The following ITPK1 variants were observed in gnomAD, a reference collection of about 807,000 sequenced individuals.
ITPK1 encodes the protein inositol 1,3,4-trisphosphate 5/6-kinase.
In ITPK1, 21 loss-of-function variants were observed where a neutral mutation model predicts 45.3. That is an observed-to-expected ratio of 0.46 (90% CI 0.33 to 0.67). The LOEUF (loss-of-function observed/expected upper bound fraction) is 0.67. Ranked by LOEUF, ITPK1 falls within the 30% of genes least tolerant of loss-of-function variation. ITPK1 has a pLI of 0.02. For missense variants in ITPK1, 474 were observed against 573.5 expected (o/e 0.83, Z 1.77); for synonymous variants, 258 against 253.6 (o/e 1.02, Z -0.16).
At chr14:93,030,851 T>A (rs548368983) in intron 3 of ITPK1, among the ~76,000 whole-genome samples, 4 of 152,334 alleles carry the variant, frequency 2.6e-5, no homozygotes, top group South Asian at 4.1e-4. Flanking sequence ...TAGTCCACGA[T>A]GACTGGTGCT....
At chr14:92,996,447 G>T (rs1470724246) in intron 4 of ITPK1, among the ~76,000 whole-genome samples, 1 of 138,024 alleles carries the variant, frequency 7.2e-6, no homozygotes, top group Non-Finnish European at 1.6e-5. Flanking sequence ...GTGGGGGGAG[G>T]GGGAGGGATA....
At chr14:92,994,094 T>C in intron 4 of ITPK1, 97 bp from the exon 5 acceptor site, 2 of 763,226 alleles carry the variant, frequency 2.6e-6, no homozygotes, top group Admixed American at 1.9e-5. Context: ...TCCTGTCCTA[T>C]CCTCCAGCCC....
intron 2 of ITPK1, among the ~76,000 whole-genome samples, chr14:93,114,624 C>T (rs979283003): frequency 6.6e-5 from 10 of 152,282 alleles, no homozygotes; most frequent in East Asian, 3.9e-4. Context: ...CGAGCACACG[C>T]GGGGCACATA....
chr14:93,066,312 G>A (rs924136291), intron 3 of ITPK1: 10 of 446,972 alleles, frequency 2.2e-5, no homozygotes, highest in Non-Finnish European at 3.6e-5. Flanking sequence ...GTGCATGTGT[G>A]TGTGTGTATG....
chr14:92,963,539 C>T (rs1468280793), intron 5 of ITPK1, among the ~76,000 whole-genome samples: 1 of 152,216 alleles, frequency 6.6e-6, no homozygotes, highest in African/African-American at 2.4e-5. Context: ...ACCACGCTCA[C>T]TGCATCTCTG....
chr14:93,003,480 G>C (rs1243544230), intron 4 of ITPK1, among the ~76,000 whole-genome samples: 1 of 152,220 alleles, frequency 6.6e-6, no homozygotes, highest in African/African-American at 2.4e-5. Flanking sequence ...TCCACACTAG[G>C]CCTAGGTGCA....
chr14:93,092,698 G>A (rs973567743), intron 2 of ITPK1, among the ~76,000 whole-genome samples: 1 of 152,248 alleles, frequency 6.6e-6, no homozygotes, highest in Non-Finnish European at 1.5e-5. Context: ...GGGCACAGCT[G>A]TGGGGAACCC....
At chr14:93,039,573 C>T (rs2139907675) in intron 3 of ITPK1, among the ~76,000 whole-genome samples, 1 of 152,324 alleles carries the variant, frequency 6.6e-6, no homozygotes. Context: ...TGTCAGATCC[C>T]CAGACTCTGG....
At chr14:92,950,371 C>T (rs1301650534) in intron 9 of ITPK1, among the ~76,000 whole-genome samples, 2 of 152,260 alleles carry the variant, frequency 1.3e-5, no homozygotes, top group African/African-American at 4.8e-5. Flanking sequence ...CTCTGTCAGG[C>T]CAGCCTGCGG....
chr14:92,998,538 G>A (rs1049600115), intron 4 of ITPK1, among the ~76,000 whole-genome samples: 7 of 152,232 alleles, frequency 4.6e-5, no homozygotes, highest in African/African-American at 9.6e-5. Context: ...CCGGGTTGGG[G>A]GCAGGGACAG....
chr14:93,091,990 T>A (rs939663270), intron 2 of ITPK1, among the ~76,000 whole-genome samples: 1 of 152,210 alleles, frequency 6.6e-6, no homozygotes, highest in African/African-American at 2.4e-5. Flanking sequence ...CCACAGGCTC[T>A]GGCACGGTGT....
chr14:93,094,048 G>A (rs926536236), intron 2 of ITPK1, among the ~76,000 whole-genome samples: 3 of 152,214 alleles, frequency 2.0e-5, no homozygotes, highest in African/African-American at 4.8e-5. Context: ...CGGCTCCACC[G>A]CTCCCGGGAG....
intron 3 of ITPK1, among the ~76,000 whole-genome samples, chr14:93,028,600 G>T (rs1445743458): frequency 1.3e-5 from 2 of 152,198 alleles, no homozygotes; most frequent in Non-Finnish European, 2.9e-5. Context: ...GATGACAGCT[G>T]CCATCAGCAT....
In ITPK1 at chr14:93,028,674, C is replaced by T. The variant is rs1176848436; in HGVS notation, c.121-11873G>A. ...TGGCCCAGAGCAGGCCCCCTGCAGG[C>T]ACCTCCCCAAGCGGATGTCAGCTCT... On this transcript the variant is annotated intron_variant, in intron 3 of 10. Coordinates refer to ENST00000267615, the MANE Select transcript of ITPK1 (RefSeq NM_014216.6). Among the ~76,000 whole-genome samples the T allele has an allele frequency of 4.6e-5, 7 of 152,250 alleles. No homozygotes were observed. The East Asian group carries it at 9.6e-4, about 21-fold the overall frequency.
chr14:92,944,503 C>T (rs551057136), intron 10 of ITPK1, among the ~76,000 whole-genome samples: 2 of 152,114 alleles, frequency 1.3e-5, no homozygotes, highest in South Asian at 4.1e-4. Flanking sequence ...ACCCATAGAT[C>T]GCGACCATCT....
intron 2 of ITPK1, among the ~76,000 whole-genome samples, chr14:93,099,834 G>A (rs149521852): frequency 1.3e-5 from 2 of 152,172 alleles, no homozygotes; most frequent in Non-Finnish European, 2.9e-5. Flanking sequence ...GCTCAGACTT[G>A]TGGGGGTAGG....
chr14:92,962,391 G>T lies in ITPK1; in HGVS notation c.468C>A (p.Cys156Ter). 2 of 1,607,018 alleles carry T rather than the reference G, an allele frequency of 1.2e-6. No individual in the cohort carries two copies. The highest frequency in any genetic ancestry group is 1.7e-6 in the Non-Finnish European group (2 of 1,173,522). ...EKNGLTFPFI[C>*]KTRVAHGTNS... ...TGGTGCCATGAGCCACTCTGGTTTT[G>T]CAAACTATGGGTTGGGGAGAGAAAA... The change falls in exon 7 of 11, where the codon TGC (cysteine) becomes TGA (stop). Residue 156 changes from cysteine to a stop codon, truncating the protein, a stop_gained. Coordinates refer to ENST00000267615, the MANE Select transcript of ITPK1 (RefSeq NM_014216.6). LOFTEE classifies it high-confidence loss of function.
chr14:93,096,488 C>T (rs557223570), intron 2 of ITPK1, among the ~76,000 whole-genome samples: 1 of 152,370 alleles, frequency 6.6e-6, no homozygotes, highest in East Asian at 1.9e-4. Flanking sequence ...CGAGGCCTGG[C>T]ACGGAGGGAG....
chr14:93,026,068 G>A (rs935872907), intron 3 of ITPK1, among the ~76,000 whole-genome samples: 3 of 152,052 alleles, frequency 2.0e-5, no homozygotes, highest in African/African-American at 7.2e-5. Context: ...CACGGATTGC[G>A]CCACTGCACT....
Sources: allele counts gnomAD v4.1 joint callset (sites outside exome capture counted in the v4.1 genomes callset), GRCh38; gene constraint gnomAD v4.1.1; transcripts MANE v1.5; gene names NCBI Gene and HGNC (gene_info 2026-07-23, HGNC 2026-07-21).